The following SLC16A1 variants were observed in gnomAD, a reference collection of about 807,000 sequenced individuals.
SLC16A1 encodes solute carrier family 16 member 1.
SLC16A1 carries 11 observed loss-of-function variants against 32.2 expected under a neutral mutation model. The observed-to-expected ratio is 0.34, with a 90% CI of 0.21 to 0.56. The LOEUF (loss-of-function observed/expected upper bound fraction) is 0.56, where lower values mean the gene tolerates loss of function less well. SLC16A1 is among the 20% of genes least tolerant of loss of function. The pLI is 0.87. For synonymous variants in SLC16A1, 231 were observed against 226.8 expected, an observed-to-expected ratio of 1.02 and a Z score of -0.17; for missense variants, 435 against 615.0, an observed-to-expected ratio of 0.71 and a Z score of 3.10.
At chr1:112,914,218 T>A (rs181761614) in intron 4 of SLC16A1, 53 bp from the exon 5 acceptor site, 2 of 1,604,086 alleles carry the variant, frequency 1.2e-6, no homozygotes, top group Non-Finnish European at 8.5e-7. Flanking sequence ...ACAGTTTTTT[T>A]TTCCCCCAAG....
chr1:112,918,144 CATT>C, intron 3 of SLC16A1, 100 bp from the exon 4 acceptor site: 7 of 916,388 alleles, frequency 7.6e-6, no homozygotes, highest in Non-Finnish European at 9.7e-6. Flanking sequence ...TATAAATCCT[CATT>C]ATTAGAGGAC....
Position 112,912,812 on chromosome 1 carries a change from A to C in SLC16A1, c.*1079T>G, listed in dbSNP as rs1242914464. The C allele has an allele frequency of 1.3e-5, 2 of 151,882 alleles. No individual in the cohort carries two copies. The highest frequency in any genetic ancestry group is 3.8e-4 in the East Asian group (2 of 5,202). 9.4% of individuals were successfully genotyped at this position (151,882 alleles called of 1,614,324 possible). A position where few individuals can be genotyped will look rare whatever the true frequency, so the allele number is the denominator to read the frequency against. ...TTTTTAATTTGCAAACCTTAAAAAA[A>C]AAAAAACAAAAAAACAAAAACACCA... On this transcript the variant is annotated 3_prime_UTR_variant, in exon 5 of 5. Coordinates refer to ENST00000369626, the MANE Select transcript of SLC16A1 (RefSeq NM_003051.4).
intron 1 of SLC16A1, among the ~76,000 whole-genome samples, chr1:112,941,964 C>G (rs1649526976): frequency 6.6e-6 from 1 of 151,896 alleles, no homozygotes; most frequent in South Asian, 2.1e-4. Context: ...CACTGCAGTT[C>G]AAGTATGACC....
At chr1:112,940,889 T>A (rs1329577485) in intron 1 of SLC16A1, among the ~76,000 whole-genome samples, 1 of 152,190 alleles carries the variant, frequency 6.6e-6, no homozygotes, top group Non-Finnish European at 1.5e-5. Flanking sequence ...CAAAATCATG[T>A]CCTTTGCAAC....
At position 112,917,364 on chromosome 1, in the gene SLC16A1, G is replaced by T; in HGVS notation, c.1042C>A (p.Pro348Thr). 1 of 1,614,176 alleles carries T rather than the reference G, an allele frequency of 6.2e-7. No homozygotes were observed. Among genetic ancestry groups the T allele is most frequent in the Non-Finnish European group, 8.5e-7 (1 of 1,180,034 alleles). ...VANGVCHMLAPLSTTYVGFCV... is the reference protein window; with the variant it reads ...VANGVCHMLATLSTTYVGFCV... ...AATCCAACATAGGTAGTGGATAAAGGTGCTAGCATATGACACACTCCATTT... is the reference window on the plus strand; with the variant it reads ...AATCCAACATAGGTAGTGGATAAAGTTGCTAGCATATGACACACTCCATTT... Residue 348 changes from proline (P) to threonine (T), a missense_variant, in exon 4 of 5, where the codon CCT (proline) becomes ACT (threonine). By Grantham distance (38) the Pro-to-Thr change is conservative. Around this residue, in one of 2 missense-constraint regions of SLC16A1, gnomAD observed 324 missense variants for 500.3 expected, o/e 0.65. Coordinates refer to ENST00000369626, the MANE Select transcript of SLC16A1 (RefSeq NM_003051.4). This position sits in a 1 kb window ranked among gnomAD's most constrained non-coding sequence, Gnocchi z 4.1.
rs1035044085 is a variant in SLC16A1, at chr1:112,928,045, TA to T, written c.217+1046del. Among the ~76,000 whole-genome samples, 9 of 151,002 alleles carry T rather than the reference TA, an allele frequency of 6.0e-5. No homozygotes were observed. The South Asian group carries it at 6.3e-4, about 11-fold the overall frequency. On this transcript the variant is annotated intron_variant, in intron 2 of 4. Coordinates refer to ENST00000369626, the MANE Select transcript of SLC16A1 (RefSeq NM_003051.4). ...TCCATTTTGATTTCTCTGAACTTATTAAAAAAAAACACTACAATTAAGCACT... is the reference window on the plus strand; with the variant it reads ...TCCATTTTGATTTCTCTGAACTTATTAAAAAAAACACTACAATTAAGCACT...
At chr1:112,925,626 AC>A (rs1443134404) in intron 2 of SLC16A1, among the ~76,000 whole-genome samples, 11 of 151,666 alleles carry the variant, frequency 7.3e-5, no homozygotes, top group African/African-American at 2.7e-4. Flanking sequence ...TGATCCACCT[AC>A]CTAGGCCTCC....
intron 1 of SLC16A1, among the ~76,000 whole-genome samples, chr1:112,944,994 C>CTTTTTT (rs151186476): frequency 1.6e-5 from 2 of 123,304 alleles, no homozygotes; most frequent in Non-Finnish European, 1.7e-5. Flanking sequence ...CACCCAGCCT[C>CTTTTTT]TTTTTTTTTT....
intron 1 of SLC16A1, among the ~76,000 whole-genome samples, chr1:112,953,206 C>G (rs1286536084): frequency 2.8e-5 from 4 of 142,800 alleles, no homozygotes; most frequent in Non-Finnish European, 6.0e-5. Flanking sequence ...CTGAGCTGAG[C>G]TGAAGTGCAG....
At chr1:112,943,617 G>T (rs1219684180) in intron 1 of SLC16A1, among the ~76,000 whole-genome samples, 1 of 149,126 alleles carries the variant, frequency 6.7e-6, no homozygotes, top group Non-Finnish European at 1.5e-5. Flanking sequence ...GCAAAACCTC[G>T]TCTCTACTAA....
intron 3 of SLC16A1, among the ~76,000 whole-genome samples, chr1:112,921,152 A>G (rs899982013): frequency 2.0e-5 from 3 of 152,120 alleles, no homozygotes; most frequent in Admixed American, 6.5e-5. Flanking sequence ...AAAAAAAAAA[A>G]AAAAGAAAAG....
At chr1:112,932,986 T>G (rs1345205552) in intron 1 of SLC16A1, among the ~76,000 whole-genome samples, 1 of 151,964 alleles carries the variant, frequency 6.6e-6, no homozygotes, top group Non-Finnish European at 1.5e-5. Context: ...ACAATCCAAA[T>G]ATGAAAACAT....
At position 112,917,515 on chromosome 1, in the gene SLC16A1, C is replaced by T. The variant is rs985157543; in HGVS notation, c.891G>A (p.Lys297=). ...YGKSQHYSSE[K]SAFLLSILAF... is the part of the protein sequence containing the mutation. The stretch of plus-strand genomic sequence containing the variant: ...CCAGAATGGAAAGAAGGAAGGCAGA[C>T]TTCTCACTAGAATAATGCTGACTCT... The change falls in exon 4 of 5, where the codon AAG becomes AAA. Residue 297 remains lysine, a synonymous_variant. Coordinates refer to ENST00000369626, the MANE Select transcript of SLC16A1 (RefSeq NM_003051.4). This position sits in a 1 kb window ranked among gnomAD's most constrained non-coding sequence, Gnocchi z 4.1. 17 of 1,614,076 alleles carry T rather than the reference C, an allele frequency of 1.1e-5. No homozygotes were observed. The Admixed American group carries it at 2.0e-4, about 19-fold the overall frequency.
chr1:112,951,073 T>TA (rs570100524), intron 1 of SLC16A1, among the ~76,000 whole-genome samples: 2 of 151,680 alleles, frequency 1.3e-5, no homozygotes, highest in East Asian at 1.9e-4. Flanking sequence ...ATTCTATCTT[T>TA]AAAAAAAAGA....
chr1:112,928,606 CAT>C (rs1357242187), intron 2 of SLC16A1, among the ~76,000 whole-genome samples: 1 of 152,120 alleles, frequency 6.6e-6, no homozygotes, highest in East Asian at 1.9e-4. Context: ...TTTTAGGACT[CAT>C]AACATCGCAA....
chr1:112,914,263 C>T, intron 4 of SLC16A1, 98 bp from the exon 5 acceptor site: 1 of 1,336,426 alleles, frequency 7.5e-7, no homozygotes. Flanking sequence ...AGATGTCAAT[C>T]CAATCTTTAA....
At chr1:112,947,546 A>C (rs1649746568) in intron 1 of SLC16A1, among the ~76,000 whole-genome samples, 1 of 152,328 alleles carries the variant, frequency 6.6e-6, no homozygotes, top group South Asian at 2.1e-4. Flanking sequence ...TTAACATTTT[A>C]CTTAGTTTTA....
At chr1:112,929,709 T>C (rs1649063389) in intron 1 of SLC16A1, among the ~76,000 whole-genome samples, 1 of 152,012 alleles carries the variant, frequency 6.6e-6, no homozygotes, top group Non-Finnish European at 1.5e-5. Context: ...TAGCCAGACA[T>C]GGTGGTGTGT....
intron 1 of SLC16A1, among the ~76,000 whole-genome samples, chr1:112,952,294 T>C (rs1046791233): frequency 2.0e-5 from 3 of 152,218 alleles, no homozygotes; most frequent in African/African-American, 7.2e-5. Flanking sequence ...TTGCGGTTTT[T>C]CAATTGCCAT....
Sources: allele counts gnomAD v4.1 joint callset (sites outside exome capture counted in the v4.1 genomes callset), GRCh38; gene constraint gnomAD v4.1.1; regional missense constraint gnomAD v4.1.1; non-coding constraint Gnocchi (gnomAD v3.1); transcripts MANE v1.5; gene names NCBI Gene and HGNC (gene_info 2026-07-23, HGNC 2026-07-21).